Variants in BMP7 observed in about 807,000 individuals in gnomAD.
BMP7 encodes osteogenic protein 1.
A neutral mutation model predicts 41.2 loss-of-function variants in BMP7; 12 were observed. The ratio of observed to expected loss-of-function variants is 0.29; its 90% CI spans 0.19 to 0.47. The LOEUF (loss-of-function observed/expected upper bound fraction) is 0.47, where lower values mean the gene tolerates loss of function less well. BMP7 is among the 20% of genes least tolerant of loss of function. BMP7 has a pLI of 0.99. For synonymous variants in BMP7, 248 were observed against 250.0 expected (o/e 0.99, Z 0.07); for missense variants, 467 against 606.0 (o/e 0.77, Z 2.41).
intron 1 of BMP7, among the ~76,000 whole-genome samples, chr20:57,262,728 C>T (rs548964303): frequency 6.6e-6 from 1 of 152,132 alleles, no homozygotes; most frequent in Non-Finnish European, 1.5e-5. Context: ...ACCCATGCCC[C>T]CCCCGCCAAA....
In BMP7 at chr20:57,264,393, G is replaced by T. The variant is rs550447798; in HGVS notation, c.418+1312C>A. The stretch of plus-strand genomic sequence containing the variant: ...AAGTTACACAAGTAGAATGAAAGCG[G>T]CTCAGGAAACAGCGCTATCGGGGTG... On this transcript the variant is annotated intron_variant, in intron 1 of 6. Coordinates refer to ENST00000395863, the MANE Select transcript of BMP7 (RefSeq NM_001719.3). Among the ~76,000 whole-genome samples the T allele has an allele frequency of 1.9e-4, 29 of 152,378 alleles. No individual in the cohort carries two copies. The East Asian group carries it at 2.1e-3, about 11-fold the overall frequency.
At chr20:57,220,226 T>C (rs1452295464) in intron 2 of BMP7, among the ~76,000 whole-genome samples, 1 of 152,154 alleles carries the variant, frequency 6.6e-6, no homozygotes, top group Non-Finnish European at 1.5e-5. Flanking sequence ...CCTTGAGTAT[T>C]TACCTACATG....
intron 4 of BMP7, 28 bp downstream of exon 4, chr20:57,183,694 G>A (rs759048407): frequency 4.3e-6 from 7 of 1,612,930 alleles, no homozygotes; most frequent in South Asian, 1.1e-5. Flanking sequence ...CCTGTGGTGG[G>A]TCTGTGATCC....
intron 2 of BMP7, chr20:57,225,906 C>A: frequency 4.3e-6 from 2 of 469,598 alleles, no homozygotes; most frequent in Non-Finnish European, 4.4e-6. Flanking sequence ...GGCAGGGACT[C>A]GTGTCTGGTT....
chr20:57,244,089 A>G lies in BMP7; in HGVS notation c.419-15668T>C, dbSNP rs565678472. ...AGCCCAGGAGTAAAGTAGACCAGGC[A>G]TGCTCCACCTTCAGGATGCCCAGAG... On this transcript the variant is annotated intron_variant, in intron 1 of 6. Transcript: ENST00000395863. 296 of 152,354 alleles carry G rather than the reference A, an allele frequency of 1.9e-3. 2 individuals carry two copies. Among genetic ancestry groups the G allele is most frequent in the African/African-American group, 5.9e-3 (246 of 41,560 alleles). The allele number at this position is 152,354 out of a possible 1,614,324, so 9.4% of individuals were successfully genotyped here. A position where few individuals can be genotyped will look rare whatever the true frequency, so the allele number is the denominator to read the frequency against.
rs896981102 is a variant in BMP7, at chr20:57,261,123, G to A, written c.418+4582C>T. Among the ~76,000 whole-genome samples, 3 of 152,190 alleles carry A rather than the reference G, an allele frequency of 2.0e-5. No individual in the cohort carries two copies. The highest frequency in any genetic ancestry group is 2.9e-5 in the Non-Finnish European group (2 of 68,038). The stretch of plus-strand genomic sequence containing the variant: ...AGTTGTCTCTGAGTTCAGCGGACAC[G>A]TGATATTCACTCACATCGCAGGCAT... On this transcript the variant is annotated intron_variant, in intron 1 of 6. Coordinates refer to ENST00000395863, the MANE Select transcript of BMP7 (RefSeq NM_001719.3). The surrounding 1 kb of genome is among the most constrained non-coding windows in gnomAD (Gnocchi z 4.1).
intron 2 of BMP7, among the ~76,000 whole-genome samples, chr20:57,203,428 G>A (rs1419471603): frequency 2.0e-5 from 3 of 152,022 alleles, no homozygotes; most frequent in African/African-American, 4.8e-5. Context: ...TGGATGGATG[G>A]ATGGATGGTT....
At chr20:57,181,044 G>C (rs1451624054) in intron 4 of BMP7, among the ~76,000 whole-genome samples, 2 of 152,144 alleles carry the variant, frequency 1.3e-5, no homozygotes, top group African/African-American at 4.8e-5. Context: ...GGGACCAACC[G>C]CAGGCCCCGG....
At chr20:57,202,646 C>T (rs367817895) in intron 2 of BMP7, 23 bp from the exon 3 acceptor site, 7 of 1,369,090 alleles carry the variant, frequency 5.1e-6, no homozygotes, top group African/African-American at 1.5e-5. Context: ...AGGAGAGACA[C>T]GGGCTTCGCG....
At position 57,265,764 on chromosome 20, in the gene BMP7, C is replaced by T. The variant is rs1229141775; in HGVS notation, c.359G>A (p.Ser120Asn). ...GGTGAGGAAATGGCTATCTTGCAGG[C>T]TGGCCAGAGGGGGGCCCTGGGTACT... ...VFSTQGPPLASLQDSHFLTDA... is the reference protein window; with the variant it reads ...VFSTQGPPLANLQDSHFLTDA... The change falls in exon 1 of 7, where the codon AGC (serine) becomes AAC (asparagine). Residue 120 changes from serine (S) to asparagine (N), a missense_variant. Around this residue, in one of 2 missense-constraint regions of BMP7, gnomAD observed 407 missense variants for 485.9 expected, o/e 0.84. Transcript: ENST00000395863. 1 of 1,611,130 alleles carries T rather than the reference C, an allele frequency of 6.2e-7. No homozygotes were observed. Among genetic ancestry groups the T allele is most frequent in the Admixed American group, 1.7e-5 (1 of 59,760 alleles).
intron 2 of BMP7, among the ~76,000 whole-genome samples, chr20:57,227,680 T>C (rs162311): frequency 0.23 from 34,455 of 152,106 alleles, 5,342 homozygotes; most frequent in African/African-American, 0.43. Flanking sequence ...CAGCCCTTTT[T>C]CTTAGCCTCC....
At chr20:57,201,739 G>C (rs960791253) in intron 3 of BMP7, among the ~76,000 whole-genome samples, 2 of 152,224 alleles carry the variant, frequency 1.3e-5, no homozygotes, top group Admixed American at 1.3e-4. Flanking sequence ...GCAAAGTCAA[G>C]CTACAAGATA....
chr20:57,265,878 A>T lies in BMP7; in HGVS notation c.245T>A (p.Phe82Tyr). 6.2e-7 allele frequency: 1 copy of T among 1,603,706 alleles called. No homozygotes were observed. Among genetic ancestry groups the T allele is most frequent in the African/African-American group, 1.3e-5 (1 of 74,936 alleles). The stretch of plus-strand genomic sequence containing the variant: ...CATGGCGTTGTACAGGTCCAGCATG[A>T]ACATGGGTGCCGAGTTGTGCTTGCC... ...LQGKHNSAPM[F>Y]MLDLYNAMAV... is the part of the protein sequence containing the mutation. The change falls in exon 1 of 7, where the codon TTC becomes TAC. Residue 82 changes from phenylalanine to tyrosine, a missense_variant. Coordinates refer to ENST00000395863, the MANE Select transcript of BMP7 (RefSeq NM_001719.3).
chr20:57,189,880 G>A (rs1984309697), intron 3 of BMP7, among the ~76,000 whole-genome samples: 1 of 152,204 alleles, frequency 6.6e-6, no homozygotes, highest in African/African-American at 2.4e-5. Flanking sequence ...TCAGCTCAGG[G>A]GTGCACAGTG....
At chr20:57,264,475 G>C (rs535638489) in intron 1 of BMP7, among the ~76,000 whole-genome samples, 3 of 150,870 alleles carry the variant, frequency 2.0e-5, no homozygotes, top group African/African-American at 7.5e-5. Context: ...TGGCGCTGCC[G>C]GGGGGTTAGT....
rs2066155749 is a variant in BMP7 at position 57,261,913 on chromosome 20, A to T, written c.418+3792T>A. Among the ~76,000 whole-genome samples the T allele has an allele frequency of 6.6e-6, 1 of 152,266 alleles. No homozygotes were observed. Among genetic ancestry groups the T allele is most frequent in the Non-Finnish European group, 1.5e-5 (1 of 68,046 alleles). On this transcript the variant is annotated intron_variant, in intron 1 of 6. Transcript: ENST00000395863. The surrounding 1 kb of genome is among the most constrained non-coding windows in gnomAD (Gnocchi z 4.1). ...TAATGCCAAACACTTGTCAACAAAA[A>T]GGACAGCCAGATGGCATAAAGCAAA...
At chr20:57,173,165 C>T in intron 6 of BMP7, 35 bp downstream of exon 6, 1 of 1,599,168 alleles carries the variant, frequency 6.3e-7, no homozygotes. Flanking sequence ...CTGCCCGGCC[C>T]AGGTGACCAC....
intron 5 of BMP7, chr20:57,173,528 G>T: frequency 1.6e-6 from 1 of 625,302 alleles, no homozygotes; most frequent in South Asian, 1.9e-5. Context: ...CTATAGTCTT[G>T]GCCTATAGTC....
chr20:57,174,643 G>A lies in BMP7; in HGVS notation c.1035+288C>T, dbSNP rs1452139177. Among the ~76,000 whole-genome samples, 3 of 152,210 alleles carry A rather than the reference G, an allele frequency of 2.0e-5. No individual in the cohort carries two copies. Among genetic ancestry groups the A allele is most frequent in the Non-Finnish European group, 4.4e-5 (3 of 68,034 alleles). Reference sequence around the variant, plus strand: ...CAAACACACGGCCCGGCATCATCTTGAGAAGCAGCCAGCCAAGGGATGGGA... The same window carrying A: ...CAAACACACGGCCCGGCATCATCTTAAGAAGCAGCCAGCCAAGGGATGGGA... On this transcript the variant is annotated intron_variant, in intron 5 of 6. Coordinates refer to ENST00000395863, the MANE Select transcript of BMP7 (RefSeq NM_001719.3). The surrounding 1 kb of genome is among the most constrained non-coding windows in gnomAD (Gnocchi z 4.3).
Sources: gnomAD v4.1 joint callset for allele counts (sites outside exome capture counted in the v4.1 genomes callset) on GRCh38, gnomAD v4.1.1 for gene constraint, gnomAD v4.1.1 regional missense constraint, Gnocchi (gnomAD v3.1) non-coding constraint, MANE v1.5 for transcripts, NCBI Gene and HGNC (gene_info 2026-07-23, HGNC 2026-07-21) for gene names.